Variants in ADGRL2 observed in about 807,000 individuals in gnomAD.
ADGRL2 encodes calcium-independent alpha-latrotoxin receptor 2.
Under a neutral mutation model 157.4 loss-of-function variants are expected in ADGRL2, and 44 were observed. The observed-to-expected ratio is 0.28, with a 90% CI of 0.22 to 0.36. The LOEUF (loss-of-function observed/expected upper bound fraction) is 0.36, where lower values mean the gene tolerates loss of function less well. Among genes scored for constraint, ADGRL2 ranks in the 10% least tolerant of loss-of-function variants. The pLI is 1.00. For missense variants in ADGRL2, 1,510 were observed against 1,768.9 expected (o/e 0.85, Z 2.63); for synonymous variants, 585 against 624.7 (o/e 0.94, Z 0.95).
chr1:81,680,385 A>G (rs907086390), intron 3 of ADGRL2, among the ~76,000 whole-genome samples: 1 of 152,212 alleles, frequency 6.6e-6, no homozygotes, highest in Non-Finnish European at 1.5e-5. Flanking sequence ...TGTTCATTTC[A>G]TAGGCGGTTC....
intron 2 of ADGRL2, among the ~76,000 whole-genome samples, chr1:81,869,909 A>G (rs981162132): frequency 3.3e-5 from 5 of 152,164 alleles, no homozygotes; most frequent in East Asian, 1.9e-4. Context: ...TTTGTTAGCT[A>G]TTTGATCTAC....
At chr1:81,410,899 C>T (rs1053709471) in intron 1 of ADGRL2, among the ~76,000 whole-genome samples, 1 of 152,056 alleles carries the variant, frequency 6.6e-6, no homozygotes, top group Non-Finnish European at 1.5e-5. Flanking sequence ...TCTTTTAAAG[C>T]GTATATTAAG....
At position 81,951,113 on chromosome 1, in the gene ADGRL2, G is replaced by A. The variant is rs147910384; in HGVS notation, c.1600G>A (p.Ala534Thr). The A allele has an allele frequency of 3.1e-6, 5 of 1,611,374 alleles. No individual in the cohort carries two copies. Among genetic ancestry groups the A allele is most frequent in the South Asian group, 1.1e-5 (1 of 90,964 alleles). The change falls in exon 8 of 24, where the codon GCT (alanine) becomes ACT (threonine). Residue 534 changes from alanine (A) to threonine (T), a missense_variant. Around this residue, in one of 4 missense-constraint regions of ADGRL2, gnomAD observed 325 missense variants for 333.2 expected, o/e 0.98. Transcript: ENST00000686636. The stretch of plus-strand genomic sequence containing the variant: ...TACCTCACACTGGGTGAATCAGCTG[G>A]CTCAGAAGGTTGGTTGGAACCTTTT... Reference protein sequence around the residue: ...NCTSHWVNQLAQKIRSGENAA... With the variant: ...NCTSHWVNQLTQKIRSGENAA...
intron 1 of ADGRL2, among the ~76,000 whole-genome samples, chr1:81,750,954 T>C (rs965969892): frequency 1.5e-4 from 23 of 152,176 alleles, no homozygotes; most frequent in African/African-American, 5.6e-4. Flanking sequence ...TCCCAGATCT[T>C]GGTTTCTCAA....
intron 2 of ADGRL2, among the ~76,000 whole-genome samples, chr1:81,770,251 C>T (rs2086304626): frequency 1.3e-5 from 2 of 149,476 alleles, no homozygotes; most frequent in South Asian, 2.1e-4. Context: ...CAACCTCTGC[C>T]TCCCGGGTTT....
At chr1:81,823,348 CTCCTTCCCTCCT>C (rs1422780799) in intron 1 of ADGRL2, among the ~76,000 whole-genome samples, 11 of 143,706 alleles carry the variant, frequency 7.7e-5, no homozygotes, top group Non-Finnish European at 7.7e-5. Context: ...TCTTCCCTCC[CTCCTTCCCTCCT>C]TCCTTCCCTC....
At chr1:81,666,989 G>A (rs2082763989) in intron 3 of ADGRL2, among the ~76,000 whole-genome samples, 1 of 152,182 alleles carries the variant, frequency 6.6e-6, no homozygotes, top group South Asian at 2.1e-4. Flanking sequence ...AAGTGGAAGA[G>A]TTAGAAAGTG....
At chr1:81,529,746 T>A (rs78403371) in intron 2 of ADGRL2, among the ~76,000 whole-genome samples, 3,014 of 152,296 alleles carry the variant, frequency 0.02, 97 homozygotes, top group African/African-American at 0.069. Context: ...ACTCTGACAG[T>A]GGCAAATTAA....
rs1004863556 is a variant in ADGRL2 at position 81,993,662 on chromosome 1, T to C, written c.*2517T>C. On this transcript the variant is annotated 3_prime_UTR_variant, in exon 24 of 24. Coordinates refer to ENST00000686636, the MANE Select transcript of ADGRL2 (RefSeq NM_001366006.2). ...ATATTGCCTTAAATTCCATCTAGGA[T>C]TCCCTTAGTACAAGGTAGTTTCTTA... Among the ~76,000 whole-genome samples the C allele has an allele frequency of 6.6e-6, 1 of 152,164 alleles. No homozygotes were observed. The highest frequency in any genetic ancestry group is 2.1e-4 in the South Asian group (1 of 4,834).
At chr1:81,652,931 T>A (rs753841927) in intron 3 of ADGRL2, among the ~76,000 whole-genome samples, 7 of 152,190 alleles carry the variant, frequency 4.6e-5, no homozygotes, top group Non-Finnish European at 7.3e-5. Flanking sequence ...CTTTCTCATT[T>A]TTTTATCATT....
At chr1:81,331,622 G>C (rs144688570) in intron 1 of ADGRL2, among the ~76,000 whole-genome samples, 2 of 152,164 alleles carry the variant, frequency 1.3e-5, no homozygotes, top group African/African-American at 4.8e-5. Context: ...GGTATTGTGA[G>C]TGGGAAACCA....
In ADGRL2 at chr1:81,497,182, T is replaced by G. The variant is rs139712309; in HGVS notation, c.-248+52093T>G. On this transcript the variant is annotated intron_variant, in intron 2 of 24. Transcript: ENST00000370721. ...GCCAGTTTTCTTTATTATTTCTATT[T>G]ATCTGCTCCAAATGTGTCAACAAAA... Among the ~76,000 whole-genome samples the G allele has an allele frequency of 4.5e-3, 678 of 152,294 alleles. 9 individuals are homozygous for G. The highest frequency in any genetic ancestry group is 0.016 in the African/African-American group (655 of 41,562).
intron 1 of ADGRL2, among the ~76,000 whole-genome samples, chr1:81,343,004 A>C (rs928459449): frequency 6.6e-6 from 1 of 152,068 alleles, no homozygotes; most frequent in African/African-American, 2.4e-5. Flanking sequence ...TTTTTAATGT[A>C]TACGTAAAGA....
chr1:81,383,804 A>C (rs1159313523), intron 1 of ADGRL2, among the ~76,000 whole-genome samples: 3 of 109,008 alleles, frequency 2.8e-5, no homozygotes, highest in South Asian at 7.5e-4. Flanking sequence ...CTCTACTAAA[A>C]ATACAAAAAA....
intron 1 of ADGRL2, among the ~76,000 whole-genome samples, chr1:81,827,164 A>C (rs1231691237): frequency 2.0e-5 from 3 of 152,220 alleles, no homozygotes; most frequent in Non-Finnish European, 2.9e-5. Flanking sequence ...TATTTGGAAT[A>C]AGATTGGTGA....
chr1:81,546,110 C>T (rs2080012097), intron 2 of ADGRL2, among the ~76,000 whole-genome samples: 1 of 152,124 alleles, frequency 6.6e-6, no homozygotes, highest in South Asian at 2.1e-4. Context: ...CCACCACTAC[C>T]ACCATCACCA....
chr1:81,326,451 C>A (rs1660906304), intron 1 of ADGRL2, among the ~76,000 whole-genome samples: 1 of 152,154 alleles, frequency 6.6e-6, no homozygotes, highest in South Asian at 2.1e-4. Context: ...GATAAATTTC[C>A]ACACTAAACA....
At chr1:81,980,234 G>A (rs1661272493) in intron 18 of ADGRL2, among the ~76,000 whole-genome samples, 1 of 151,570 alleles carries the variant, frequency 6.6e-6, no homozygotes, top group Non-Finnish European at 1.5e-5. Context: ...TTAAAATGCA[G>A]TTCAAAATGA....
chr1:81,346,516 A>T (rs1201510404), intron 1 of ADGRL2, among the ~76,000 whole-genome samples: 2 of 152,266 alleles, frequency 1.3e-5, no homozygotes, highest in East Asian at 3.9e-4. Context: ...GTACCTGGAG[A>T]TAGAGACTTT....
Sources: allele counts gnomAD v4.1 joint callset (sites outside exome capture counted in the v4.1 genomes callset), GRCh38; gene constraint gnomAD v4.1.1; regional missense constraint gnomAD v4.1.1; transcripts MANE v1.5; gene names NCBI Gene and HGNC (gene_info 2026-07-23, HGNC 2026-07-21).